Variants in MAOA observed in about 807,000 individuals in gnomAD.
The protein encoded by MAOA is monoamine oxidase A, also known as amine oxidase [flavin-containing] A.
In MAOA, 6 loss-of-function variants were observed where a neutral mutation model predicts 42.0. That is an observed-to-expected ratio of 0.14 (90% CI 0.08 to 0.28). MAOA has a LOEUF of 0.28. MAOA is among the 10% of genes least tolerant of loss of function. The probability of loss-of-function intolerance (pLI) is 1.00; values close to 1 mark genes in which losing one functional copy is unlikely to be tolerated. For synonymous variants in MAOA, 140 were observed against 154.0 expected, an observed-to-expected ratio of 0.91 and a Z score of 0.67; for missense variants, 262 against 422.3, an observed-to-expected ratio of 0.62 and a Z score of 3.33.
At chrX:43,655,471 G>A (rs1472017321), upstream of MAOA, 1 of 111,501 alleles carries the variant, frequency 9.0e-6, no homozygotes, top group African/African-American at 3.3e-5. Flanking sequence ...AGTGGCCTCC[G>A]GGGTTTCAGC....
At chrX:43,686,057 C>T (rs1361910250) in intron 2 of MAOA, among the ~76,000 whole-genome samples, 1 of 112,158 alleles carries the variant, frequency 8.9e-6, no homozygotes, top group Non-Finnish European at 1.9e-5. Context: ...TTGAAGGCAG[C>T]GTGTTATAGT....
intron 5 of MAOA, among the ~76,000 whole-genome samples, chrX:43,713,526 G>A (rs2033714911): frequency 8.9e-6 from 1 of 111,905 alleles, no homozygotes; most frequent in African/African-American, 3.3e-5. Context: ...TAGGAAATGA[G>A]AGGAAAGCTA....
At chrX:43,730,487 CTTT>C (rs1232538202) in intron 6 of MAOA, among the ~76,000 whole-genome samples, 2 of 84,773 alleles carry the variant, frequency 2.4e-5, no homozygotes, top group African/African-American at 8.7e-5. Context: ...TATTCCGAAT[CTTT>C]TTTTTTTTTT....
chrX:43,666,902 A>T (rs1351555390), intron 1 of MAOA, among the ~76,000 whole-genome samples: 1 of 106,297 alleles, frequency 9.4e-6, no homozygotes, highest in Non-Finnish European at 1.9e-5. Flanking sequence ...CTTCATTAAG[A>T]TCTCTGCTTT....
At chrX:43,739,008 A>G (rs971819635) in intron 10 of MAOA, among the ~76,000 whole-genome samples, 4 of 111,540 alleles carry the variant, frequency 3.6e-5, no homozygotes, top group Non-Finnish European at 5.6e-5. Flanking sequence ...ATGGGTTTTG[A>G]CTGAACAAAT....
intron 5 of MAOA, among the ~76,000 whole-genome samples, chrX:43,727,505 C>T (rs972631672): frequency 1.8e-5 from 2 of 112,275 alleles, no homozygotes; most frequent in African/African-American, 6.5e-5. Flanking sequence ...GGCAGATGCA[C>T]CTCTCCACAC....
At chrX:43,687,720 T>G (rs1463549232) in intron 2 of MAOA, among the ~76,000 whole-genome samples, 1 of 112,621 alleles carries the variant, frequency 8.9e-6, no homozygotes, top group East Asian at 2.8e-4. Flanking sequence ...CATCCAACAC[T>G]AGACTTCTGA....
intron 2 of MAOA, among the ~76,000 whole-genome samples, chrX:43,689,229 C>A (rs911457296): frequency 4.5e-5 from 5 of 111,534 alleles, no homozygotes; most frequent in African/African-American, 1.3e-4. Flanking sequence ...ACAGGCGCTG[C>A]CACCACACCC....
intron 2 of MAOA, among the ~76,000 whole-genome samples, chrX:43,689,108 C>G (rs1016108667): frequency 2.4e-4 from 27 of 110,468 alleles, no homozygotes; most frequent in Non-Finnish European, 3.6e-4. Flanking sequence ...GAGACAGAGT[C>G]TCACTGTGTT....
chrX:43,741,120 G>A (rs1023977736), intron 11 of MAOA, among the ~76,000 whole-genome samples: 1 of 111,394 alleles, frequency 9.0e-6, no homozygotes, highest in Non-Finnish European at 1.9e-5. Flanking sequence ...GTTGGTGAAG[G>A]CAAAGTAGTA....
chrX:43,731,528 G>A lies in MAOA; in HGVS notation c.795+138G>A, dbSNP rs367647561. Reference sequence around the variant, plus strand: ...TCAGTCTTCCAAATTACCAGCCTTGGTTGACCTACCTTGATCTGTTTTGTT... The same window carrying A: ...TCAGTCTTCCAAATTACCAGCCTTGATTGACCTACCTTGATCTGTTTTGTT... On this transcript the variant is annotated intron_variant, in intron 7 of 14. Coordinates refer to ENST00000338702, the MANE Select transcript of MAOA (RefSeq NM_000240.4). The A allele has an allele frequency of 2.6e-4, 225 of 876,789 alleles. No individual in the cohort carries two copies. The East Asian group carries it at 5.7e-3, about 22-fold the overall frequency. The allele number at this position is 876,789 out of a possible 1,213,427, so 72.3% of individuals were successfully genotyped here.
chrX:43,696,928 A>G (rs2033584567), intron 3 of MAOA, among the ~76,000 whole-genome samples: 1 of 111,564 alleles, frequency 9.0e-6, no homozygotes. Context: ...ACTTTGGACA[A>G]CAAATGGCAC....
chrX:43,676,429 C>T (rs777118930), intron 1 of MAOA, among the ~76,000 whole-genome samples: 18 of 111,207 alleles, frequency 1.6e-4, no homozygotes, highest in Non-Finnish European at 2.8e-4. Context: ...TACTTTGGCT[C>T]GCGCACGGTG....
At chrX:43,702,791 G>A (rs1163865866) in intron 3 of MAOA, among the ~76,000 whole-genome samples, 2 of 111,698 alleles carry the variant, frequency 1.8e-5, no homozygotes, top group East Asian at 5.6e-4. Context: ...CTGAACCTTG[G>A]GCTGAGATTT....
chrX:43,708,056 G>C (rs1265464720), intron 3 of MAOA, among the ~76,000 whole-genome samples: 1 of 111,787 alleles, frequency 8.9e-6, no homozygotes, highest in Non-Finnish European at 1.9e-5. Flanking sequence ...GTGAACATTA[G>C]TAGATTGAAG....
At position 43,744,110 on chromosome X, in the gene MAOA, T is replaced by C; in HGVS notation, c.1376T>C (p.Val459Ala). 1 of 1,208,425 alleles carries C rather than the reference T, an allele frequency of 8.3e-7. No individual in the cohort carries two copies. The highest frequency in any genetic ancestry group is 1.8e-5 in the South Asian group (1 of 56,829). ...AATACCATGGTGACTTTCTTTCAGG[T>C]CTTAAATGGTCTCGGGAAGGTGACC... ...VEAGERAARE[V>A]LNGLGKVTEK... Residue 459 changes from valine (V) to alanine (A), a missense_variant and splice_region_variant, in exon 14 of 15, where the codon GTC becomes GCC. Physicochemically the swap from Val to Ala is moderately conservative, Grantham distance 64. Around this residue, in one of 3 missense-constraint regions of MAOA, gnomAD observed 86 missense variants for 190.3 expected, o/e 0.45. Transcript: ENST00000338702.
intron 11 of MAOA, among the ~76,000 whole-genome samples, 175 bp downstream of exon 11, chrX:43,740,913 G>T (rs770356229): frequency 1.8e-5 from 2 of 111,399 alleles, no homozygotes; most frequent in South Asian, 7.5e-4. Flanking sequence ...GGTATTAGGC[G>T]CATGGAATTT....
rs781465803 is a variant in MAOA at position 43,681,884 on chromosome X, T to A, written c.74-1629T>A. 6.1e-3 allele frequency among the ~76,000 whole-genome samples: 605 copies of A among 99,139 alleles called. 7 individuals are homozygous for A. The highest frequency in any genetic ancestry group is 0.022 in the African/African-American group (510 of 23,577). 86.1% of individuals were successfully genotyped at this position (99,139 alleles called of 115,157 possible). ...TAGCACTATATATATATATATATTT[T>A]TTTTTTTTTTTCTTTGAGACGGAGT... is the stretch of plus-strand genomic sequence containing the variant. On this transcript the variant is annotated intron_variant, in intron 1 of 14. Transcript: ENST00000338702.
chrX:43,699,116 C>T (rs1037293240), intron 3 of MAOA, among the ~76,000 whole-genome samples: 28 of 110,625 alleles, frequency 2.5e-4, no homozygotes, highest in African/African-American at 8.9e-4. Flanking sequence ...CATTGCTACA[C>T]AAAAATTTAA....
Sources: allele counts gnomAD v4.1 joint callset (sites outside exome capture counted in the v4.1 genomes callset), GRCh38; gene constraint gnomAD v4.1.1; regional missense constraint gnomAD v4.1.1; transcripts MANE v1.5; gene names NCBI Gene and HGNC (gene_info 2026-07-23, HGNC 2026-07-21).